KIAA0825: variants seen among roughly 807,000 people sequenced by gnomAD.
The protein encoded by KIAA0825 is KIAA0825.
KIAA0825 carries 119 observed loss-of-function variants against 147.6 expected under a neutral mutation model. The observed-to-expected ratio is 0.81, with a 90% CI of 0.69 to 0.94. KIAA0825 has a LOEUF of 0.94. KIAA0825 is among the 40% of genes least tolerant of loss of function. The pLI, the probability that KIAA0825 is intolerant of heterozygous loss-of-function variation, is 0.00. For synonymous variants in KIAA0825, 470 were observed against 518.1 expected, an observed-to-expected ratio of 0.91 and a Z score of 1.26; for missense variants, 1,381 against 1,472.7, an observed-to-expected ratio of 0.94 and a Z score of 1.02.
intron 20 of KIAA0825, among the ~76,000 whole-genome samples, chr5:94,279,960 C>T (rs983014601): frequency 2.0e-5 from 3 of 151,816 alleles, no homozygotes; most frequent in African/African-American, 7.3e-5. Context: ...TGTTTCAGGC[C>T]GAAAGGACAG....
intron 20 of KIAA0825, among the ~76,000 whole-genome samples, chr5:94,296,123 A>G (rs1208351777): frequency 6.6e-6 from 1 of 152,214 alleles, no homozygotes; most frequent in Non-Finnish European, 1.5e-5. Context: ...AGGAATCTAA[A>G]GAGGCAGTCT....
chr5:94,410,790 C>T (rs1433181590), intron 15 of KIAA0825, among the ~76,000 whole-genome samples: 1 of 151,988 alleles, frequency 6.6e-6, no homozygotes, highest in Non-Finnish European at 1.5e-5. Flanking sequence ...AGGCAAAATA[C>T]TTTTTGTCAC....
At chr5:94,323,266 AT>A (rs1780367303) in intron 20 of KIAA0825, among the ~76,000 whole-genome samples, 1 of 151,974 alleles carries the variant, frequency 6.6e-6, no homozygotes, top group Admixed American at 6.6e-5. Context: ...TAAGTTTTTC[AT>A]TTATTAAATT....
chr5:94,520,100 T>C (rs1767878556), intron 5 of KIAA0825, 148 bp downstream of exon 5: 1 of 1,162,150 alleles, frequency 8.6e-7, no homozygotes, highest in African/African-American at 1.6e-5. Context: ...AAAAAATGCA[T>C]GAGAAATGTA....
chr5:94,469,670 CTT>C (rs761550453), intron 10 of KIAA0825, among the ~76,000 whole-genome samples: 20 of 152,176 alleles, frequency 1.3e-4, no homozygotes, highest in Non-Finnish European at 2.2e-4. Context: ...ATTGTTATCT[CTT>C]TGAGTTTTCA....
At chr5:94,479,283 C>G (rs1762229121) in intron 6 of KIAA0825, among the ~76,000 whole-genome samples, 1 of 152,058 alleles carries the variant, frequency 6.6e-6, no homozygotes. Flanking sequence ...CTGGTACCCA[C>G]TAATCTATTT....
chr5:94,228,860 A>C (rs559575254), intron 20 of KIAA0825, among the ~76,000 whole-genome samples: 4 of 152,312 alleles, frequency 2.6e-5, no homozygotes, highest in South Asian at 2.1e-4. Flanking sequence ...GCACAGATTG[A>C]AAATAATATT....
At chr5:94,360,421 C>T (rs1391873015) in intron 20 of KIAA0825, among the ~76,000 whole-genome samples, 1 of 152,136 alleles carries the variant, frequency 6.6e-6, no homozygotes, top group Non-Finnish European at 1.5e-5. Context: ...ACCTGCTGGG[C>T]TGCATTCCCA....
At chr5:94,289,732 A>G (rs1466136320) in intron 20 of KIAA0825, among the ~76,000 whole-genome samples, 1 of 151,992 alleles carries the variant, frequency 6.6e-6, no homozygotes, top group Admixed American at 6.6e-5. Flanking sequence ...AAAGCAATAT[A>G]AAGGACTTTT....
chr5:94,613,779 T>G (rs1438607184), intron 1 of KIAA0825, among the ~76,000 whole-genome samples: 1 of 152,234 alleles, frequency 6.6e-6, no homozygotes, highest in African/African-American at 2.4e-5. Context: ...GGGGGTGCCC[T>G]TTTCTAATCA....
chr5:94,596,548 C>G (rs1249383254), intron 1 of KIAA0825, among the ~76,000 whole-genome samples: 1 of 152,132 alleles, frequency 6.6e-6, no homozygotes, highest in Admixed American at 6.6e-5. Context: ...TAAGGATTGC[C>G]TTGGCTATTT....
chr5:94,285,660 T>A (rs1777637333), intron 20 of KIAA0825, among the ~76,000 whole-genome samples: 1 of 152,120 alleles, frequency 6.6e-6, no homozygotes, highest in Non-Finnish European at 1.5e-5. Flanking sequence ...GAATTTAAAG[T>A]TTGTCAGCAG....
rs545308353 is a variant in KIAA0825, at chr5:94,584,823, G to A, written c.-152-2240C>T. Among the ~76,000 whole-genome samples the A allele has an allele frequency of 3.1e-3, 472 of 152,268 alleles. 2 individuals are homozygous for A. Among genetic ancestry groups the A allele is most frequent in the Non-Finnish European group, 4.5e-3 (305 of 68,022 alleles). On this transcript the variant is annotated intron_variant, in intron 1 of 20. Coordinates refer to ENST00000682413, the MANE Select transcript of KIAA0825 (RefSeq NM_001145678.3). ...ATGTTACCCACAAAGGGAAGCCCAT[G>A]AGACTAACAGCAGATCTCTCTGCAG... is the stretch of plus-strand genomic sequence containing the variant.
At chr5:94,305,603 TAAG>T (rs1346511754) in intron 20 of KIAA0825, among the ~76,000 whole-genome samples, 1 of 151,950 alleles carries the variant, frequency 6.6e-6, no homozygotes, top group East Asian at 1.9e-4. Flanking sequence ...TAAAAAATAA[TAAG>T]GTGACTGCTT....
intron 2 of KIAA0825, among the ~76,000 whole-genome samples, chr5:94,564,894 T>C: frequency 6.6e-6 from 1 of 151,816 alleles, no homozygotes; most frequent in African/African-American, 2.4e-5. Context: ...TTATTTTCTC[T>C]TTTCTTTTCT....
intron 2 of KIAA0825, among the ~76,000 whole-genome samples, chr5:94,571,537 T>C (rs1367171162): frequency 6.6e-6 from 1 of 152,248 alleles, no homozygotes; most frequent in Non-Finnish European, 1.5e-5. Flanking sequence ...TCACTTGATC[T>C]AAATGAAGTC....
At chr5:94,523,492 C>G (rs191524762) in intron 4 of KIAA0825, among the ~76,000 whole-genome samples, 57 of 151,638 alleles carry the variant, frequency 3.8e-4, no homozygotes, top group African/African-American at 9.4e-4. Context: ...GTTAGGAATG[C>G]AGGGAATAAT....
At chr5:94,452,875 G>A (rs556798848) in intron 13 of KIAA0825, 84 bp downstream of exon 13, 26 of 677,248 alleles carry the variant, frequency 3.8e-5, no homozygotes, top group African/African-American at 1.2e-4. Context: ...ATATAAGTTC[G>A]TTTACATCCA....
chr5:94,237,179 C>G (rs1404141014), intron 20 of KIAA0825, among the ~76,000 whole-genome samples: 2 of 151,996 alleles, frequency 1.3e-5, no homozygotes, highest in African/African-American at 2.4e-5. Flanking sequence ...CCAAGTTAAA[C>G]TATACAAAAC....
Sources: allele counts gnomAD v4.1 joint callset (sites outside exome capture counted in the v4.1 genomes callset), GRCh38; gene constraint gnomAD v4.1.1; transcripts MANE v1.5; gene names NCBI Gene and HGNC (gene_info 2026-07-23, HGNC 2026-07-21).